The following ACSM1 variants were observed in gnomAD, a reference collection of about 807,000 sequenced individuals.
ACSM1 encodes acyl-CoA synthetase medium chain family member 1.
A neutral mutation model predicts 75.8 loss-of-function variants in ACSM1; 79 were observed. The ratio of observed to expected loss-of-function variants is 1.04; its 90% confidence interval spans 0.87 to 1.26. The LOEUF is 1.26. Among genes scored for constraint, ACSM1 ranks in the 50% most tolerant of loss-of-function variants. The pLI is 0.00. For missense variants in ACSM1, 676 were observed against 720.1 expected, an observed-to-expected ratio of 0.94 and a Z score of 0.70; for synonymous variants, 279 against 265.8, an observed-to-expected ratio of 1.05 and a Z score of -0.48.
chr16:20,645,717 T>G lies in ACSM1; in HGVS notation c.993-5133A>C, dbSNP rs182399370. Among the ~76,000 whole-genome samples the G allele has an allele frequency of 1.4e-4, 21 of 152,302 alleles. No individual in the cohort carries two copies. The East Asian group carries it at 3.9e-3, about 28-fold the overall frequency. ...AATTCCCCACAGGCCAGCAGGCAGT[T>G]CCCAGTGTAGACCCTCATTGGGACG... On this transcript the variant is annotated intron_variant, in intron 7 of 13. Coordinates refer to ENST00000520010, the MANE Select transcript of ACSM1 (RefSeq NM_001318890.3).
chr16:20,642,620 A>T (rs929720725), intron 7 of ACSM1, among the ~76,000 whole-genome samples: 1 of 152,222 alleles, frequency 6.6e-6, no homozygotes, highest in Non-Finnish European at 1.5e-5. Flanking sequence ...TACCCAGCTT[A>T]TCCCCCGTGC....
intron 2 of ACSM1, among the ~76,000 whole-genome samples, chr16:20,686,822 G>T (rs1387208446): frequency 1.3e-5 from 2 of 148,478 alleles, no homozygotes; most frequent in African/African-American, 4.9e-5. Flanking sequence ...AAAAAAAAAA[G>T]TTTAACTATG....
At chr16:20,690,694 T>C (rs2152335717) in intron 2 of ACSM1, among the ~76,000 whole-genome samples, 1 of 152,350 alleles carries the variant, frequency 6.6e-6, no homozygotes, top group South Asian at 2.1e-4. Context: ...TTTGCTGACC[T>C]TGTGACTAGA....
intron 8 of ACSM1, 90 bp downstream of exon 8, chr16:20,640,371 T>C: frequency 8.9e-6 from 13 of 1,463,100 alleles, no homozygotes; most frequent in Non-Finnish European, 4.7e-6. Context: ...CACAAACCTG[T>C]TTCCCAGATG....
chr16:20,638,483 T>G (rs1030319592), intron 8 of ACSM1, among the ~76,000 whole-genome samples: 3 of 152,234 alleles, frequency 2.0e-5, no homozygotes, highest in African/African-American at 7.2e-5. Flanking sequence ...TATTTATCCC[T>G]GAGCTTCCAA....
At chr16:20,637,215 A>T in intron 9 of ACSM1, 156 bp downstream of exon 9, 1 of 792,258 alleles carries the variant, frequency 1.3e-6, no homozygotes, top group Non-Finnish European at 2.3e-6. Context: ...TGCAGTTTTC[A>T]ACTGAGGCCT....
chr16:20,637,751 T>C (rs1327184169), intron 8 of ACSM1, among the ~76,000 whole-genome samples: 1 of 152,212 alleles, frequency 6.6e-6, no homozygotes, highest in African/African-American at 2.4e-5. Context: ...GCTGTGGGCA[T>C]ATAATGTGGG....
chr16:20,634,402 T>C (rs1308009575), intron 10 of ACSM1, among the ~76,000 whole-genome samples: 1 of 152,270 alleles, frequency 6.6e-6, no homozygotes, highest in South Asian at 2.1e-4. Context: ...ACAGTGGTCA[T>C]AGAAGCAACA....
intron 4 of ACSM1, 32 bp from the exon 5 acceptor site, chr16:20,671,703 G>A: frequency 6.7e-7 from 1 of 1,484,442 alleles, no homozygotes; most frequent in Non-Finnish European, 9.0e-7. Flanking sequence ...AAGGAAAAAA[G>A]TCATGATTGC....
intron 4 of ACSM1, chr16:20,680,938 A>G (rs1012567934): frequency 6.6e-6 from 1 of 152,246 alleles, no homozygotes; most frequent in East Asian, 1.9e-4. Context: ...AAGCAAGGGG[A>G]ACTCTTATGG....
intron 7 of ACSM1, among the ~76,000 whole-genome samples, chr16:20,660,306 C>T (rs1009335704): frequency 2.0e-5 from 3 of 152,150 alleles, no homozygotes; most frequent in African/African-American, 7.2e-5. Flanking sequence ...TGAAAGCCAG[C>T]TGGATGCATC....
intron 10 of ACSM1, among the ~76,000 whole-genome samples, chr16:20,635,580 TTTTCTTTCTTTCTTTC>T (rs56177992): frequency 0.19 from 23,351 of 123,516 alleles, 2,596 homozygotes; most frequent in Non-Finnish European, 0.21. Context: ...TAATTTTTCT[TTTTCTTTCTTTCTTTC>T]TTTCTTTCTT....
rs777482069 is a variant in ACSM1, at chr16:20,627,261, TC to T, written c.1354del (p.Asp452ThrfsTer60). On this transcript the variant is annotated frameshift_variant, in exon 11 of 14. Coordinates refer to ENST00000520010, the MANE Select transcript of ACSM1 (RefSeq NM_001318890.3). LOFTEE classifies it high-confidence loss of function. ...VECGDFYNTGDRGKMDEEGYI... is the reference protein window; with the variant it reads ...VECGDFYNTGXRGKMDEEGYI... ...GCCCTCTTCATCCATCTTACCTCTG[TC>T]CCCAGTGTTGTAGAAGTCCCCACAT... The T allele has an allele frequency of 3.1e-6, 5 of 1,591,464 alleles. No individual in the cohort carries two copies.
chr16:20,675,595 G>C (rs1010279231), intron 4 of ACSM1, among the ~76,000 whole-genome samples: 3 of 152,176 alleles, frequency 2.0e-5, no homozygotes. Context: ...TTTTAAAAAG[G>C]ATTTAGAGCT....
chr16:20,695,347 A>T (rs1370039000), intron 1 of ACSM1, among the ~76,000 whole-genome samples: 1 of 152,208 alleles, frequency 6.6e-6, no homozygotes, highest in Non-Finnish European at 1.5e-5. Context: ...ATCCTGCAAA[A>T]AGCATTCAGC....
Position 20,627,427 on chromosome 16 carries a change from C to G in ACSM1, c.1300-111G>C. ...TTCTGCCTCTGTTTCTACTCGGTAC[C>G]TGGGCAAGTTTTGCCATTTCTGAGT... On this transcript the variant is annotated intron_variant, in intron 10 of 13. Transcript: ENST00000520010. 3 of 1,318,674 alleles carry G rather than the reference C, an allele frequency of 2.3e-6. No individual in the cohort carries two copies. The South Asian group carries it at 5.6e-5, about 24-fold the overall frequency. The allele number at this position is 1,318,674 out of a possible 1,614,324, so 81.7% of individuals were successfully genotyped here.
Position 20,627,233 on chromosome 16 carries a change from G to A in ACSM1, c.1383C>T (p.Tyr461=), listed in dbSNP as rs756954982. The A allele has an allele frequency of 2.5e-6, 4 of 1,585,820 alleles. No individual in the cohort carries two copies. Among genetic ancestry groups the A allele is most frequent in the Non-Finnish European group, 3.4e-6 (4 of 1,168,282 alleles). Residue 461 remains tyrosine, a synonymous_variant, in exon 11 of 14, where the codon TAC becomes TAT. Transcript: ENST00000520010. ...CATCACTCCTCCCCAGGAAACAAAT[G>A]TAGCCCTCTTCATCCATCTTACCTC... ...GDRGKMDEEG[Y]ICFLGRSDDI...
chr16:20,683,583 A>G (rs1045820578), intron 3 of ACSM1, among the ~76,000 whole-genome samples: 2 of 150,352 alleles, frequency 1.3e-5, no homozygotes, highest in African/African-American at 4.9e-5. Flanking sequence ...CCATGCTTGG[A>G]ATGTCCTTCC....
At chr16:20,627,997 C>T (rs1403685148) in intron 10 of ACSM1, among the ~76,000 whole-genome samples, 1 of 148,122 alleles carries the variant, frequency 6.8e-6, no homozygotes, top group African/African-American at 2.5e-5. Context: ...ATAAGCTCAG[C>T]ATTCACATAG....
Sources: allele counts gnomAD v4.1 joint callset (sites outside exome capture counted in the v4.1 genomes callset), GRCh38; gene constraint gnomAD v4.1.1; transcripts MANE v1.5; gene names NCBI Gene and HGNC (gene_info 2026-07-23, HGNC 2026-07-21).